Variants in LSR observed in about 807,000 individuals in gnomAD.
LSR encodes the protein lipolysis-stimulated lipoprotein receptor.
Under a neutral mutation model 61.8 loss-of-function variants are expected in LSR, and 44 were observed. The ratio of observed to expected loss-of-function variants is 0.71; its 90% CI spans 0.56 to 0.91. The LOEUF is 0.91. LSR is among the 40% of genes least tolerant of loss of function. The pLI is 0.00. For synonymous variants in LSR, 397 were observed against 350.6 expected, an observed-to-expected ratio of 1.13 and a Z score of -1.48; for missense variants, 911 against 830.5, an observed-to-expected ratio of 1.10 and a Z score of -1.19.
At chr19:35,249,190 G>T (rs1392123417) in intron 1 of LSR, 59 bp downstream of exon 1, 2 of 1,494,990 alleles carry the variant, frequency 1.3e-6, no homozygotes, top group East Asian at 5.1e-5. Flanking sequence ...AGAGGGGGAT[G>T]GATGGAGTTG....
rs2066048274 is a variant in LSR, at chr19:35,267,841, G to A, written c.1788G>A (p.Arg596=). The change falls in exon 10 of 10, where the codon CGG becomes CGA. Residue 596 remains arginine (R), a synonymous_variant. Coordinates refer to ENST00000605618, the MANE Select transcript of LSR (RefSeq NM_205834.4). ...RRLKKNLALS[R]ESLVV is the part of the protein sequence containing the mutation. ...CCTTGCAGAACTTGGCCCTGAGTCG[G>A]GAAAGTTTAGTCGTCTGATCTGACG... 1.2e-6 allele frequency: 2 copies of A among 1,613,950 alleles called. No homozygotes were observed. Among genetic ancestry groups the A allele is most frequent in the East Asian group, 4.5e-5 (2 of 44,864 alleles).
chr19:35,254,567 A>G (rs2065834032), intron 2 of LSR, among the ~76,000 whole-genome samples: 1 of 152,176 alleles, frequency 6.6e-6, no homozygotes, highest in African/African-American at 2.4e-5. Context: ...TTGGGGTCCA[A>G]GTGCCCCCAC....
intron 3 of LSR, among the ~76,000 whole-genome samples, chr19:35,261,330 AAG>A (rs1186514097): frequency 1.3e-5 from 2 of 152,216 alleles, no homozygotes; most frequent in African/African-American, 4.8e-5. Context: ...TGTTGTCACA[AAG>A]AGTTTATTCC....
At position 35,267,835 on chromosome 19, in the gene LSR, G is replaced by A; in HGVS notation, c.1782G>A (p.Leu594=). 2 of 1,613,896 alleles carry A rather than the reference G, an allele frequency of 1.2e-6. No homozygotes were observed. Among genetic ancestry groups the A allele is most frequent in the South Asian group, 2.2e-5 (2 of 91,086 alleles). Reference sequence around the variant, plus strand: ...TTTCTCCCTTGCAGAACTTGGCCCTGAGTCGGGAAAGTTTAGTCGTCTGAT... The same window carrying A: ...TTTCTCCCTTGCAGAACTTGGCCCTAAGTCGGGAAAGTTTAGTCGTCTGAT... ...RERRLKKNLA[L]SRESLVV The change falls in exon 10 of 10, where the codon CTG becomes CTA. Residue 594 remains leucine, a synonymous_variant. Transcript: ENST00000605618.
At chr19:35,261,029 C>G (rs1171108110) in intron 3 of LSR, among the ~76,000 whole-genome samples, 1 of 152,212 alleles carries the variant, frequency 6.6e-6, no homozygotes, top group Non-Finnish European at 1.5e-5. Flanking sequence ...GACTGACATG[C>G]CTCTGTCCTG....
chr19:35,256,891 C>T (rs1163637467), intron 2 of LSR, among the ~76,000 whole-genome samples: 1 of 151,582 alleles, frequency 6.6e-6, no homozygotes, highest in Non-Finnish European at 1.5e-5. Context: ...GGCTAGAGTG[C>T]AGTGGTGCAA....
Position 35,267,826 on chromosome 19 carries a change from C to G in LSR, c.1773C>G (p.Asn591Lys). ...QASRERRLKK[N>K]LALSRESLVV ...CCTTCTTTCTTTCTCCCTTGCAGAACTTGGCCCTGAGTCGGGAAAGTTTAG... is the reference window on the plus strand; with the variant it reads ...CCTTCTTTCTTTCTCCCTTGCAGAAGTTGGCCCTGAGTCGGGAAAGTTTAG... The change falls in exon 10 of 10, where the codon AAC becomes AAG. Residue 591 changes from asparagine to lysine, a missense_variant and splice_region_variant. Coordinates refer to ENST00000605618, the MANE Select transcript of LSR (RefSeq NM_205834.4). The G allele has an allele frequency of 6.2e-7, 1 of 1,614,092 alleles. No homozygotes were observed. The highest frequency in any genetic ancestry group is 8.5e-7 in the Non-Finnish European group (1 of 1,179,960).
chr19:35,266,839 T>C lies in LSR; in HGVS notation c.1016T>C (p.Val339Ala), dbSNP rs1241434405. ...ACCACCACCCCCCTGTCCCTAGAAG[T>C]CCGCAGTGGCTACAGGATTCAGGCC... ...RDTDSSVASE[V>A]RSGYRIQASQ... The change falls in exon 8 of 10, where the codon GTC (valine) becomes GCC (alanine). Residue 339 changes from valine (V) to alanine (A), a missense_variant. Physicochemically the swap from Val to Ala is moderately conservative, Grantham distance 64. Transcript: ENST00000605618. 1 of 1,607,902 alleles carries C rather than the reference T, an allele frequency of 6.2e-7. No homozygotes were observed. Among genetic ancestry groups the C allele is most frequent in the South Asian group, 1.1e-5 (1 of 90,148 alleles).
chr19:35,256,895 G>A (rs185109557), intron 2 of LSR, among the ~76,000 whole-genome samples: 187 of 151,890 alleles, frequency 1.2e-3, no homozygotes, highest in African/African-American at 4.3e-3. Flanking sequence ...AGAGTGCAGT[G>A]GTGCAATCTC....
At chr19:35,257,697 A>G (rs534566577) in intron 2 of LSR, among the ~76,000 whole-genome samples, 3 of 152,282 alleles carry the variant, frequency 2.0e-5, no homozygotes, top group African/African-American at 4.8e-5. Flanking sequence ...GAGATGCCCA[A>G]TGTAGCCTAC....
At chr19:35,249,244 CTT>C in intron 1 of LSR, 113 bp downstream of exon 1, 2 of 1,314,132 alleles carry the variant, frequency 1.5e-6, no homozygotes, top group African/African-American at 1.5e-5. Flanking sequence ...AGGCTGGGAC[CTT>C]CCGATCCCCT....
In LSR at chr19:35,266,446, C is replaced by T. The variant is rs148362066; in HGVS notation, c.866C>T (p.Pro289Leu). ...TYAHLSPAKT[P>L]PPPAMIPMGP... The stretch of plus-strand genomic sequence containing the variant: ...GCCCACCTGTCTCCCGCCAAGACCC[C>T]ACCCCCACCAGCTATGATTCCCATG... Residue 289 changes from proline to leucine, a missense_variant, in exon 6 of 10, where the codon CCA becomes CTA. By Grantham distance (98) the Pro-to-Leu change is moderately conservative. Transcript: ENST00000605618. 1.0e-4 allele frequency: 162 copies of T among 1,612,840 alleles called. 1 individual carries two copies. Among genetic ancestry groups the T allele is most frequent in the South Asian group, 3.9e-4 (35 of 90,882 alleles).
Position 35,250,777 on chromosome 19 carries a change from C to A in LSR, c.454+118C>A, listed in dbSNP as rs1280019555. On this transcript the variant is annotated intron_variant, in intron 2 of 9. Coordinates refer to ENST00000605618, the MANE Select transcript of LSR (RefSeq NM_205834.4). ...TCTTGAGTGCCAGTGTCTGAAAGGA[C>A]CATTGAAGGGAGCAATTCTTTTTTT... 1.7e-5 allele frequency: 12 copies of A among 696,248 alleles called. No individual in the cohort carries two copies. In the South Asian group the frequency reaches 3.0e-4, roughly 18 times the overall value. The allele number at this position is 696,248 out of a possible 1,614,324, so 43.1% of individuals were successfully genotyped here.
At chr19:35,255,411 C>T (rs2065844129) in intron 2 of LSR, among the ~76,000 whole-genome samples, 1 of 151,796 alleles carries the variant, frequency 6.6e-6, no homozygotes, top group Non-Finnish European at 1.5e-5. Flanking sequence ...TATGAGGATT[C>T]AATGAAAGAA....
intron 2 of LSR, among the ~76,000 whole-genome samples, chr19:35,252,862 A>G (rs552929563): frequency 1.3e-5 from 2 of 151,822 alleles, no homozygotes; most frequent in East Asian, 3.9e-4. Flanking sequence ...AAATTTTAAA[A>G]ATTTAAAAAT....
chr19:35,250,396 C>T lies in LSR; in HGVS notation c.191C>T (p.Thr64Ile), dbSNP rs781366796. 3.7e-6 allele frequency: 6 copies of T among 1,612,964 alleles called. No homozygotes were observed. The highest frequency in any genetic ancestry group is 1.7e-4 in the Middle Eastern group (1 of 6,052). ...ILFQPVTLPC[T>I]YQMTSTPTQP... ...TTCCAGCCTGTGACCCTGCCCTGTA[C>T]CTACCAGATGACCTCGACCCCCACG... The change falls in exon 2 of 10, where the codon ACC becomes ATC. Residue 64 changes from threonine (T) to isoleucine (I), a missense_variant. Coordinates refer to ENST00000605618, the MANE Select transcript of LSR (RefSeq NM_205834.4).
At chr19:35,257,113 C>T (rs572281003) in intron 2 of LSR, among the ~76,000 whole-genome samples, 1 of 152,302 alleles carries the variant, frequency 6.6e-6, no homozygotes, top group South Asian at 2.1e-4. Flanking sequence ...GTTAGGATTA[C>T]AGGTGTGAGC....
chr19:35,262,949 A>G (rs1356101503), intron 5 of LSR: 8 of 472,268 alleles, frequency 1.7e-5, no homozygotes, highest in African/African-American at 9.8e-5. Flanking sequence ...GTCCAACAGT[A>G]CAAGATACTA....
chr19:35,266,126 A>C (rs1362156606), intron 5 of LSR, among the ~76,000 whole-genome samples: 1 of 152,214 alleles, frequency 6.6e-6, no homozygotes, highest in Admixed American at 6.5e-5. Flanking sequence ...CACCCTCTGA[A>C]AAATCACACA....
Sources: allele counts gnomAD v4.1 joint callset (sites outside exome capture counted in the v4.1 genomes callset), GRCh38; gene constraint gnomAD v4.1.1; transcripts MANE v1.5; gene names NCBI Gene and HGNC (gene_info 2026-07-23, HGNC 2026-07-21).